FRS2: variants seen among roughly 807,000 people sequenced by gnomAD.
FRS2 encodes the protein FGFR signalling adaptor.
FRS2 carries 8 observed loss-of-function variants against 43.9 expected under a neutral mutation model. The observed-to-expected ratio is 0.18, with a 90% CI of 0.11 to 0.33. The LOEUF (loss-of-function observed/expected upper bound fraction) is 0.33. FRS2 is among the 10% of genes least tolerant of loss of function. The pLI is 1.00. For missense variants in FRS2, 534 were observed against 627.6 expected (o/e 0.85, Z 1.59); for synonymous variants, 219 against 220.3 (o/e 0.99, Z 0.05).
At chr12:69,523,939 TG>T (rs1875939167) in intron 1 of FRS2, among the ~76,000 whole-genome samples, 1 of 152,224 alleles carries the variant, frequency 6.6e-6, no homozygotes, top group Non-Finnish European at 1.5e-5. Context: ...GCAGCAGGCT[TG>T]GTCCTTGTAC....
chr12:69,490,433 T>G lies in FRS2; in HGVS notation c.-261+19903T>G, dbSNP rs1205582911. ...AAAAATACCTTGAAAATGTGTGGGT[T>G]TTTTTTTTTTTTTTGGCATTTGAAA... On this transcript the variant is annotated intron_variant, in intron 1 of 8. Transcript: ENST00000549921. Among the ~76,000 whole-genome samples, 6 of 26,544 alleles carry G rather than the reference T, an allele frequency of 2.3e-4. No homozygotes were observed. In the African/African-American group the frequency reaches 2.7e-3, roughly 12 times the overall value. 17.4% of individuals were successfully genotyped at this position (26,544 alleles called of 152,430 possible). A position where few individuals can be genotyped will look rare whatever the true frequency, so the allele number is the denominator to read the frequency against.
chr12:69,504,503 C>T (rs1051190399), intron 1 of FRS2, among the ~76,000 whole-genome samples: 5 of 152,038 alleles, frequency 3.3e-5, no homozygotes, highest in Admixed American at 2.0e-4. Context: ...GATTTTTTGG[C>T]GTCACAATAG....
intron 1 of FRS2, among the ~76,000 whole-genome samples, chr12:69,501,662 T>C (rs1656889938): frequency 6.6e-6 from 1 of 152,198 alleles, no homozygotes; most frequent in Non-Finnish European, 1.5e-5. Flanking sequence ...CCACTGCTCA[T>C]CTGGAGATTT....
chr12:69,478,446 G>A (rs1159578873), intron 1 of FRS2, among the ~76,000 whole-genome samples: 1 of 152,044 alleles, frequency 6.6e-6, no homozygotes, highest in African/African-American at 2.4e-5. Flanking sequence ...CCCACATGGG[G>A]CTGGTGGCTA....
At chr12:69,506,552 A>G (rs1873946968) in intron 1 of FRS2, among the ~76,000 whole-genome samples, 1 of 152,004 alleles carries the variant, frequency 6.6e-6, no homozygotes, top group Non-Finnish European at 1.5e-5. Context: ...GAGAGAGAGT[A>G]CTCATTCTCC....
At chr12:69,501,282 C>T (rs1269048080) in intron 1 of FRS2, among the ~76,000 whole-genome samples, 1 of 151,880 alleles carries the variant, frequency 6.6e-6, no homozygotes, top group Admixed American at 6.6e-5. Flanking sequence ...ATTGCCAGGA[C>T]ACAAAGCTCT....
At chr12:69,528,647 T>C (rs1488418163) in intron 1 of FRS2, among the ~76,000 whole-genome samples, 1 of 152,230 alleles carries the variant, frequency 6.6e-6, no homozygotes, top group Non-Finnish European at 1.5e-5. Context: ...TACAGATGTT[T>C]AGACACAAAG....
chr12:69,517,928 T>A (rs1320321347), intron 1 of FRS2, among the ~76,000 whole-genome samples: 1 of 152,196 alleles, frequency 6.6e-6, no homozygotes, highest in African/African-American at 2.4e-5. Flanking sequence ...GTGGCAAATT[T>A]ATAGGGCTTG....
At chr12:69,484,215 G>A (rs1364424644) in intron 1 of FRS2, among the ~76,000 whole-genome samples, 1 of 151,970 alleles carries the variant, frequency 6.6e-6, no homozygotes, top group Non-Finnish European at 1.5e-5. Context: ...CTCCTGAGTA[G>A]CTGGGACTAC....
intron 3 of FRS2, among the ~76,000 whole-genome samples, chr12:69,542,893 A>G (rs554076529): frequency 6.6e-6 from 1 of 152,346 alleles, no homozygotes; most frequent in Admixed American, 6.5e-5. Flanking sequence ...ACGTCAAAGA[A>G]TGAGCTAGCT....
chr12:69,509,728 T>C (rs1315673493), intron 1 of FRS2, among the ~76,000 whole-genome samples: 1 of 152,170 alleles, frequency 6.6e-6, no homozygotes, highest in African/African-American at 2.4e-5. Context: ...TTTCCTTTTC[T>C]AGCTTCCAAA....
chr12:69,523,816 C>G (rs1451201676), intron 1 of FRS2, among the ~76,000 whole-genome samples: 1 of 152,202 alleles, frequency 6.6e-6, no homozygotes, highest in Non-Finnish European at 1.5e-5. Context: ...GATCTTATTT[C>G]TCCTTCATTT....
chr12:69,527,197 C>T (rs765258506), intron 1 of FRS2, among the ~76,000 whole-genome samples: 2 of 152,134 alleles, frequency 1.3e-5, no homozygotes, highest in Non-Finnish European at 2.9e-5. Flanking sequence ...TAGACCTAAG[C>T]ATGGCACATT....
chr12:69,487,159 G>A (rs896945037), intron 1 of FRS2, among the ~76,000 whole-genome samples: 3 of 152,200 alleles, frequency 2.0e-5, no homozygotes, highest in Non-Finnish European at 2.9e-5. Context: ...TGCCTCACCA[G>A]AAGAACTAAT....
intron 1 of FRS2, among the ~76,000 whole-genome samples, chr12:69,501,286 A>C (rs1407139053): frequency 6.6e-6 from 1 of 152,206 alleles, no homozygotes; most frequent in Non-Finnish European, 1.5e-5. Flanking sequence ...CCAGGACACA[A>C]AGCTCTGTAA....
At chr12:69,536,249 T>C (rs1877295844) in intron 3 of FRS2, among the ~76,000 whole-genome samples, 1 of 150,904 alleles carries the variant, frequency 6.6e-6, no homozygotes. Context: ...CTCAACCTTC[T>C]GAGTAGCTGG....
At chr12:69,532,089 T>C (rs1054931275) in intron 3 of FRS2, 33 bp downstream of exon 3, 1 of 152,588 alleles carries the variant, frequency 6.6e-6, no homozygotes, top group African/African-American at 2.4e-5. Context: ...ATAAAACTAA[T>C]ATTGTTGAGT....
At chr12:69,509,220 T>G (rs889118918) in intron 1 of FRS2, among the ~76,000 whole-genome samples, 3 of 152,190 alleles carry the variant, frequency 2.0e-5, no homozygotes, top group African/African-American at 7.2e-5. Flanking sequence ...CTTGTGTTCC[T>G]AAGATTGGGG....
chr12:69,539,073 TTTTTG>T (rs888126552), intron 3 of FRS2, among the ~76,000 whole-genome samples: 1 of 152,004 alleles, frequency 6.6e-6, no homozygotes, highest in Non-Finnish European at 1.5e-5. Flanking sequence ...GATTTCAAGG[TTTTTG>T]TTTTGTTTTG....
Sources: allele counts gnomAD v4.1 joint callset (sites outside exome capture counted in the v4.1 genomes callset), GRCh38; gene constraint gnomAD v4.1.1; transcripts MANE v1.5; gene names NCBI Gene and HGNC (gene_info 2026-07-23, HGNC 2026-07-21).